The following MCC variants were observed in gnomAD, a reference collection of about 807,000 sequenced individuals.
MCC encodes the protein colorectal mutant cancer protein.
A neutral mutation model predicts 116.2 loss-of-function variants in MCC; 90 were observed. The ratio of observed to expected loss-of-function variants is 0.77; its 90% CI spans 0.65 to 0.92. MCC has a LOEUF of 0.92. Ranked by LOEUF, MCC falls within the 40% of genes least tolerant of loss-of-function variation. MCC has a pLI of 0.00. For synonymous variants in MCC, 578 were observed against 510.5 expected, an observed-to-expected ratio of 1.13 and a Z score of -1.78; for missense variants, 1,516 against 1,312.2, an observed-to-expected ratio of 1.16 and a Z score of -2.40.
intron 6 of MCC, among the ~76,000 whole-genome samples, chr5:113,111,383 G>A (rs1757083841): frequency 6.6e-6 from 1 of 152,190 alleles, no homozygotes; most frequent in African/African-American, 2.4e-5. Context: ...CCCAGTCAGA[G>A]AGAGACAGAG....
At chr5:113,069,271 AC>A (rs1332061984) in intron 12 of MCC, among the ~76,000 whole-genome samples, 5 of 152,222 alleles carry the variant, frequency 3.3e-5, no homozygotes, top group African/African-American at 9.6e-5. Flanking sequence ...AAAAGCTCTG[AC>A]AAGAGTTTGA....
At chr5:113,291,025 C>A (rs1163320342) in intron 3 of MCC, among the ~76,000 whole-genome samples, 1 of 152,114 alleles carries the variant, frequency 6.6e-6, no homozygotes, top group Non-Finnish European at 1.5e-5. Flanking sequence ...TTGACATAAG[C>A]CATTTATGGT....
intron 1 of MCC, among the ~76,000 whole-genome samples, chr5:113,394,471 T>C (rs1275706192): frequency 6.6e-6 from 1 of 152,194 alleles, no homozygotes; most frequent in East Asian, 1.9e-4. Flanking sequence ...CATCAGAGCA[T>C]AGCTGGGCCT....
At chr5:113,042,166 A>G (rs1751750074) in intron 17 of MCC, among the ~76,000 whole-genome samples, 1 of 151,906 alleles carries the variant, frequency 6.6e-6, no homozygotes, top group African/African-American at 2.4e-5. Flanking sequence ...AATACAGCAG[A>G]CAAAAAAGAT....
chr5:113,438,156 G>C (rs1212576505), intron 1 of MCC, among the ~76,000 whole-genome samples: 3 of 152,218 alleles, frequency 2.0e-5, no homozygotes, highest in Non-Finnish European at 4.4e-5. Flanking sequence ...CCTTAGGCAA[G>C]TGACCTGTGT....
chr5:113,333,398 G>A (rs1278718730), intron 3 of MCC, among the ~76,000 whole-genome samples: 1 of 151,648 alleles, frequency 6.6e-6, no homozygotes, highest in Non-Finnish European at 1.5e-5. Context: ...TAAAAAGGCT[G>A]CTTGGAGTTT....
At chr5:113,251,570 G>A (rs1053382221) in intron 3 of MCC, among the ~76,000 whole-genome samples, 7 of 152,286 alleles carry the variant, frequency 4.6e-5, no homozygotes, top group Admixed American at 3.9e-4. Context: ...CTGTGGCCTC[G>A]TGGAGAAGGT....
chr5:113,368,567 T>A (rs1042885982), intron 2 of MCC, among the ~76,000 whole-genome samples: 2 of 152,222 alleles, frequency 1.3e-5, no homozygotes, highest in African/African-American at 4.8e-5. Context: ...TCTTTATTTC[T>A]TATTTTTTCC....
intron 1 of MCC, among the ~76,000 whole-genome samples, chr5:113,487,228 C>T (rs348944): frequency 0.69 from 103,508 of 150,174 alleles, 36,058 homozygotes; most frequent in East Asian, 0.88. Flanking sequence ...CAGGGACAAT[C>T]AGGAAGCAGC....
intron 3 of MCC, among the ~76,000 whole-genome samples, chr5:113,214,810 T>C (rs993613283): frequency 1.3e-5 from 2 of 152,218 alleles, no homozygotes; most frequent in Admixed American, 6.5e-5. Flanking sequence ...CCATTCTCCA[T>C]GTAAAAAATA....
chr5:113,209,514 C>T (rs955742797), intron 3 of MCC, among the ~76,000 whole-genome samples: 6 of 152,260 alleles, frequency 3.9e-5, no homozygotes, highest in East Asian at 1.9e-4. Context: ...TCCTGATTTC[C>T]GGCAGGCTTT....
intron 1 of MCC, among the ~76,000 whole-genome samples, chr5:113,393,582 C>T (rs1352395523): frequency 6.6e-6 from 1 of 152,202 alleles, no homozygotes; most frequent in Non-Finnish European, 1.5e-5. Flanking sequence ...ATATAGTTTT[C>T]TCAACATCCT....
chr5:113,446,976 G>T (rs1183934511), intron 1 of MCC, among the ~76,000 whole-genome samples: 1 of 152,050 alleles, frequency 6.6e-6, no homozygotes, highest in Non-Finnish European at 1.5e-5. Flanking sequence ...AAAAAAATAA[G>T]ATCATTTCTA....
At chr5:113,445,673 G>C (rs140222905) in intron 1 of MCC, among the ~76,000 whole-genome samples, 2 of 152,014 alleles carry the variant, frequency 1.3e-5, no homozygotes, top group Non-Finnish European at 2.9e-5. Flanking sequence ...AGCCCAAAGC[G>C]ATCTACAGAT....
chr5:113,050,503 C>T (rs990358154), intron 15 of MCC, among the ~76,000 whole-genome samples: 1 of 152,188 alleles, frequency 6.6e-6, no homozygotes, highest in South Asian at 2.1e-4. Flanking sequence ...GGGTAGAGGA[C>T]ACCCCTCGAA....
At position 113,107,235 on chromosome 5, in the gene MCC, T is replaced by C. The variant is rs569644350; in HGVS notation, c.1028-2880A>G. Among the ~76,000 whole-genome samples the C allele has an allele frequency of 7.4e-5, 11 of 149,238 alleles. No homozygotes were observed. The East Asian group carries it at 2.1e-3, about 29-fold the overall frequency. ...TTTTTTTTTTTCTTTTTTTTTTTTT[T>C]GAGATGGAGTCTCGCTCTGTCTCCC... On this transcript the variant is annotated intron_variant, in intron 6 of 18. Transcript: ENST00000408903.
chr5:113,482,755 G>A (rs553262224), intron 1 of MCC, among the ~76,000 whole-genome samples: 8 of 152,048 alleles, frequency 5.3e-5, no homozygotes, highest in South Asian at 4.2e-4. Flanking sequence ...AAAAATTTGC[G>A]GAAGCCTAAT....
chr5:113,110,193 T>G (rs1463152895), intron 6 of MCC, among the ~76,000 whole-genome samples: 1 of 152,136 alleles, frequency 6.6e-6, no homozygotes, highest in African/African-American at 2.4e-5. Flanking sequence ...CACATTCCTT[T>G]AAGTTTATCT....
At chr5:113,037,463 C>T (rs1382132093) in intron 17 of MCC, among the ~76,000 whole-genome samples, 3 of 152,110 alleles carry the variant, frequency 2.0e-5, no homozygotes, top group Admixed American at 6.5e-5. Context: ...GAGGTTGAGG[C>T]GGGCGGATCA....
Sources: gnomAD v4.1 joint callset for allele counts (sites outside exome capture counted in the v4.1 genomes callset) on GRCh38, gnomAD v4.1.1 for gene constraint, MANE v1.5 for transcripts, NCBI Gene and HGNC (gene_info 2026-07-23, HGNC 2026-07-21) for gene names.